Variants in TOM1L1 observed in about 807,000 individuals in gnomAD.
TOM1L1 encodes the protein target of myb1 like 1 membrane trafficking protein.
In TOM1L1, 64 loss-of-function variants were observed where a neutral mutation model predicts 63.4. The observed-to-expected ratio is 1.01, with a 90% CI of 0.83 to 1.24. TOM1L1 has a LOEUF of 1.24. Ranked by LOEUF, TOM1L1 falls within the 50% of genes most tolerant of loss-of-function variation. The pLI, the probability that TOM1L1 is intolerant of heterozygous loss-of-function variation, is 0.00. For missense variants in TOM1L1, 536 were observed against 567.0 expected, an observed-to-expected ratio of 0.95 and a Z score of 0.55; for synonymous variants, 166 against 194.4, an observed-to-expected ratio of 0.85 and a Z score of 1.22.
At chr17:54,952,940 A>T (rs1567843969) in intron 14 of TOM1L1, 1 of 152,246 alleles carries the variant, frequency 6.6e-6, no homozygotes. Flanking sequence ...AGAATGAGTG[A>T]AAGTTTTAGA....
chr17:54,918,056 T>A (rs879072732), intron 7 of TOM1L1, among the ~76,000 whole-genome samples: 1 of 152,316 alleles, frequency 6.6e-6, no homozygotes, highest in Admixed American at 6.5e-5. Flanking sequence ...AACCAATCTG[T>A]TAGAGCCCCT....
chr17:54,922,982 A>T (rs952009397), intron 7 of TOM1L1, among the ~76,000 whole-genome samples: 1 of 152,258 alleles, frequency 6.6e-6, no homozygotes, highest in East Asian at 1.9e-4. Flanking sequence ...TGGACATTTC[A>T]TATAGGTGGA....
intron 14 of TOM1L1, chr17:54,953,000 G>A (rs1302853079): frequency 6.6e-6 from 1 of 152,194 alleles, no homozygotes; most frequent in Non-Finnish European, 1.5e-5. Flanking sequence ...TCCTTTATGA[G>A]ACACACCCCT....
At chr17:54,913,187 A>C (rs537155406) in intron 4 of TOM1L1, among the ~76,000 whole-genome samples, 2 of 152,354 alleles carry the variant, frequency 1.3e-5, no homozygotes, top group South Asian at 4.1e-4. Flanking sequence ...AGCAGCAAAA[A>C]ACAATTGATA....
At chr17:54,911,348 C>CCTCTT (rs1371737293) in intron 3 of TOM1L1, among the ~76,000 whole-genome samples, 1 of 152,080 alleles carries the variant, frequency 6.6e-6, no homozygotes, top group Non-Finnish European at 1.5e-5. Flanking sequence ...TTCAGCCCTT[C>CCTCTT]CTCTTCTCTT....
At chr17:54,922,317 G>GT (rs1435132410) in intron 7 of TOM1L1, among the ~76,000 whole-genome samples, 1 of 151,064 alleles carries the variant, frequency 6.6e-6, no homozygotes, top group African/African-American at 2.4e-5. Flanking sequence ...AAAGAAAATT[G>GT]TAAGGAAGGC....
chr17:54,947,967 CCA>C (rs2049147109), intron 12 of TOM1L1, among the ~76,000 whole-genome samples: 1 of 152,200 alleles, frequency 6.6e-6, no homozygotes, highest in East Asian at 1.9e-4. Flanking sequence ...TTCCCAGTCT[CCA>C]CTCTCAACCT....
At chr17:54,955,175 C>T (rs548229565) in intron 14 of TOM1L1, 19 of 152,304 alleles carry the variant, frequency 1.2e-4, no homozygotes, top group Admixed American at 1.1e-3. Context: ...TTGCTGGCCA[C>T]CATGCAAAGC....
chr17:54,942,802 A>AAAACTGCC (rs1336757594), intron 11 of TOM1L1, among the ~76,000 whole-genome samples: 17 of 152,332 alleles, frequency 1.1e-4, no homozygotes, highest in South Asian at 2.1e-4. Flanking sequence ...GTCACTCAGC[A>AAAACTGCC]AAACTGCCGT....
At chr17:54,928,259 G>A (rs963689119) in intron 7 of TOM1L1, among the ~76,000 whole-genome samples, 1 of 151,788 alleles carries the variant, frequency 6.6e-6, no homozygotes. Flanking sequence ...ATTTACTACC[G>A]ACTACCTCTG....
At chr17:54,941,237 A>G (rs2049028347) in intron 11 of TOM1L1, among the ~76,000 whole-genome samples, 1 of 152,220 alleles carries the variant, frequency 6.6e-6, no homozygotes, top group South Asian at 2.1e-4. Flanking sequence ...AGATTTTTTA[A>G]AAAGTTTCCT....
chr17:54,946,882 G>C (rs911552824), intron 11 of TOM1L1, among the ~76,000 whole-genome samples: 2 of 152,186 alleles, frequency 1.3e-5, no homozygotes, highest in Non-Finnish European at 2.9e-5. Flanking sequence ...GTGACATTCA[G>C]TGGAGAGACA....
chr17:54,949,214 T>TTTTG (rs1170959582), intron 12 of TOM1L1, among the ~76,000 whole-genome samples: 2 of 148,266 alleles, frequency 1.3e-5, no homozygotes, highest in Admixed American at 6.7e-5. Flanking sequence ...TTTTTTTTTT[T>TTTTG]TTTTTGTAGA....
intron 14 of TOM1L1, among the ~76,000 whole-genome samples, chr17:54,958,748 A>AAAAAAAAAAGGG: frequency 8.4e-6 from 1 of 118,956 alleles, no homozygotes; most frequent in Non-Finnish European, 1.7e-5. Flanking sequence ...AAAAAAAAAA[A>AAAAAAAAAAGGG]GGGGTTGTTG....
At chr17:54,937,475 G>A (rs902610233) in intron 10 of TOM1L1, 1 of 463,366 alleles carries the variant, frequency 2.2e-6, no homozygotes, top group Non-Finnish European at 3.9e-6. Flanking sequence ...AATTCACCTG[G>A]CCTGCTTTGT....
At chr17:54,927,382 CTT>C (rs2048785761) in intron 7 of TOM1L1, among the ~76,000 whole-genome samples, 1 of 152,118 alleles carries the variant, frequency 6.6e-6, no homozygotes, top group Non-Finnish European at 1.5e-5. Context: ...GTTGCCCTCT[CTT>C]GGTCAATGTG....
chr17:54,905,663 G>C (rs955328417), intron 3 of TOM1L1, 96 bp downstream of exon 3: 1 of 751,448 alleles, frequency 1.3e-6, no homozygotes, highest in African/African-American at 1.8e-5. Context: ...AGTATTCTGA[G>C]AAAACTAATA....
intron 3 of TOM1L1, among the ~76,000 whole-genome samples, chr17:54,910,453 C>A (rs1022848037): frequency 2.6e-5 from 4 of 151,774 alleles, no homozygotes; most frequent in Non-Finnish European, 5.9e-5. Context: ...GAGACCCTGT[C>A]TCAAACAAAC....
chr17:54,903,861 T>C (rs2048366717), intron 2 of TOM1L1, 69 bp downstream of exon 2: 9 of 1,400,846 alleles, frequency 6.4e-6, no homozygotes, highest in Non-Finnish European at 9.0e-6. Flanking sequence ...ACGTTTTCTC[T>C]TGCAAATATT....
Sources: gnomAD v4.1 joint callset for allele counts (sites outside exome capture counted in the v4.1 genomes callset) on GRCh38, gnomAD v4.1.1 for gene constraint, MANE v1.5 for transcripts, NCBI Gene and HGNC (gene_info 2026-07-23, HGNC 2026-07-21) for gene names.